FGF13: variants seen among roughly 807,000 people sequenced by gnomAD.
The protein encoded by FGF13 is fibroblast growth factor homologous factor 2.
Under a neutral mutation model 19.5 loss-of-function variants are expected in FGF13, and 2 were observed. The ratio of observed to expected loss-of-function variants is 0.10; its 90% CI spans 0.04 to 0.32. FGF13 has a LOEUF of 0.32. Among genes scored for constraint, FGF13 ranks in the 10% least tolerant of loss-of-function variants. The pLI is 1.00. For missense variants in FGF13, 113 were observed against 192.7 expected (o/e 0.59, Z 2.45); for synonymous variants, 72 against 76.9 (o/e 0.94, Z 0.33).
Position 139,059,728 on chromosome X carries a change from T to C in FGF13, c.-113+143688A>G, listed in dbSNP as rs1441256582. ...TCATTTTTGTAGAAGTATATGGATG[T>C]GATTAGCTACTTTAAACTGCCATAT... On this transcript the variant is annotated intron_variant, in intron 1 of 2. Transcript: ENST00000421460. Among the ~76,000 whole-genome samples the C allele has an allele frequency of 9.8e-5, 11 of 112,703 alleles. No homozygotes were observed. In the Admixed American group the frequency reaches 1.0e-3, roughly 11 times the overall value.
chrX:138,647,754 G>A (rs1003324970), intron 3 of FGF13, among the ~76,000 whole-genome samples: 1 of 111,906 alleles, frequency 8.9e-6, no homozygotes, highest in African/African-American at 3.2e-5. Context: ...CACTGTAGCT[G>A]AAAACACAAC....
At chrX:139,170,977 C>T (rs1466913935) in intron 1 of FGF13, among the ~76,000 whole-genome samples, 2 of 111,676 alleles carry the variant, frequency 1.8e-5, no homozygotes, top group African/African-American at 6.5e-5. Flanking sequence ...GCCTCCATCT[C>T]CTCCCATCTC....
chrX:138,685,545 TA>T (rs1371211504), intron 3 of FGF13, among the ~76,000 whole-genome samples: 8 of 111,786 alleles, frequency 7.2e-5, no homozygotes, highest in Non-Finnish European at 1.9e-5. Flanking sequence ...ACTTTATATT[TA>T]ATTCAACAGT....
intron 3 of FGF13, among the ~76,000 whole-genome samples, chrX:138,765,404 A>C (rs2090495561): frequency 9.0e-6 from 1 of 111,601 alleles, no homozygotes; most frequent in African/African-American, 3.3e-5. Flanking sequence ...TCTATTATAA[A>C]TTCCACCAGC....
chrX:138,757,998 T>C (rs2090442170), intron 3 of FGF13, among the ~76,000 whole-genome samples: 1 of 112,168 alleles, frequency 8.9e-6, no homozygotes, highest in South Asian at 3.7e-4. Flanking sequence ...GTACTGTTAG[T>C]CACTGTGCTG....
intron 1 of FGF13, among the ~76,000 whole-genome samples, chrX:139,009,885 C>A (rs946719286): frequency 4.5e-5 from 5 of 111,686 alleles, no homozygotes; most frequent in African/African-American, 1.6e-4. Flanking sequence ...AATTTACCAA[C>A]CAAGTTTCTG....
chrX:139,000,653 A>G (rs1025735858), intron 1 of FGF13, among the ~76,000 whole-genome samples: 1 of 111,710 alleles, frequency 9.0e-6, no homozygotes, highest in Non-Finnish European at 1.9e-5. Flanking sequence ...CTCTTCAAGG[A>G]GAACTACAAA....
downstream of FGF13, among the ~76,000 whole-genome samples, chrX:138,853,619 G>A (rs1259676407): frequency 1.3e-5 from 1 of 79,412 alleles, no homozygotes; most frequent in East Asian, 4.2e-4. Flanking sequence ...GTGTGCGTGT[G>A]CGTGTGTGTG....
chrX:138,770,866 C>T (rs754526654), intron 3 of FGF13, among the ~76,000 whole-genome samples: 1 of 111,830 alleles, frequency 8.9e-6, no homozygotes, highest in Non-Finnish European at 1.9e-5. Context: ...GTGCAAGGCA[C>T]GTATGTACAT....
intron 1 of FGF13, among the ~76,000 whole-genome samples, chrX:138,721,377 T>C (rs1214158493): frequency 8.9e-6 from 1 of 111,830 alleles, no homozygotes; most frequent in Non-Finnish European, 1.9e-5. Context: ...TTTGAATATA[T>C]TGAAAACATA....
At chrX:139,161,150 G>A (rs771367507) in intron 1 of FGF13, among the ~76,000 whole-genome samples, 3 of 111,919 alleles carry the variant, frequency 2.7e-5, no homozygotes, top group Non-Finnish European at 3.8e-5. Context: ...TATCCACCAC[G>A]ATCAAGTGGG....
At chrX:139,031,624 C>A (rs187128009) in intron 1 of FGF13, among the ~76,000 whole-genome samples, 12 of 109,341 alleles carry the variant, frequency 1.1e-4, no homozygotes, top group Non-Finnish European at 2.1e-4. Flanking sequence ...AAAATATGTT[C>A]TGGGTTGATG....
rs939345945 is a variant in FGF13, at chrX:138,862,102, A to ACC, written c.-39+2473_-39+2474dup. Among the ~76,000 whole-genome samples the ACC allele has an allele frequency of 7.1e-5, 8 of 111,916 alleles. No homozygotes were observed. The Admixed American group carries it at 7.6e-4, about 11-fold the overall frequency. On this transcript the variant is annotated intron_variant, in intron 2 of 2. Transcript: ENST00000421460. ...TCAGTATTTTTTACTTTTCAAGACT[A>ACC]CCCCTGTCTCCAAAAAACTTTTTCC...
intron 1 of FGF13, among the ~76,000 whole-genome samples, chrX:139,144,851 G>T (rs1268160407): frequency 1.8e-5 from 2 of 108,495 alleles, no homozygotes; most frequent in African/African-American, 3.5e-5. Flanking sequence ...AATATATATT[G>T]AATTATAAAT....
At chrX:138,966,927 A>G (rs2091897335) in intron 1 of FGF13, among the ~76,000 whole-genome samples, 1 of 111,263 alleles carries the variant, frequency 9.0e-6, no homozygotes, top group South Asian at 3.8e-4. Context: ...ACATTTTTAT[A>G]AGGGGCTTCC....
chrX:138,823,210 G>A (rs1233396123), intron 3 of FGF13, among the ~76,000 whole-genome samples: 1 of 111,364 alleles, frequency 9.0e-6, no homozygotes, highest in Non-Finnish European at 1.9e-5. Flanking sequence ...ATTAAACACT[G>A]TGAAAAAGGA....
At chrX:138,936,087 A>G (rs1280305633) in intron 1 of FGF13, among the ~76,000 whole-genome samples, 1 of 112,565 alleles carries the variant, frequency 8.9e-6, no homozygotes, top group Non-Finnish European at 1.9e-5. Flanking sequence ...CCAAAGTTGT[A>G]CTTGAGCAAA....
intron 3 of FGF13, among the ~76,000 whole-genome samples, chrX:138,827,647 G>A (rs1052332204): frequency 4.5e-5 from 5 of 111,473 alleles, no homozygotes; most frequent in African/African-American, 1.6e-4. Flanking sequence ...TATAAGATAG[G>A]TCCCAGTGAG....
intron 3 of FGF13, chrX:138,807,069 AG>A (rs2090874102): frequency 9.0e-6 from 1 of 111,459 alleles, no homozygotes; most frequent in African/African-American, 3.3e-5. Context: ...AATAGTCCCA[AG>A]GAAAAGAATG....
Sources: gnomAD v4.1 joint callset for allele counts (sites outside exome capture counted in the v4.1 genomes callset) on GRCh38, gnomAD v4.1.1 for gene constraint, MANE v1.5 for transcripts, NCBI Gene and HGNC (gene_info 2026-07-23, HGNC 2026-07-21) for gene names.